PLEKHM3: variants seen among roughly 807,000 people sequenced by gnomAD.
PLEKHM3 encodes pleckstrin homology domain containing M3, also known as pleckstrin homology domain-containing family M member 3.
A neutral mutation model predicts 81.8 loss-of-function variants in PLEKHM3; 45 were observed. That is an observed-to-expected ratio of 0.55 (90% confidence interval 0.43 to 0.71). The LOEUF is 0.71. Among genes scored for constraint, PLEKHM3 ranks in the 30% least tolerant of loss-of-function variants. The probability of loss-of-function intolerance (pLI) is 0.00; values close to 1 mark genes in which losing one functional copy is unlikely to be tolerated. For missense variants in PLEKHM3, 788 were observed against 924.3 expected (o/e 0.85, Z 1.91); for synonymous variants, 352 against 356.4 (o/e 0.99, Z 0.14).
chr2:207,870,959 T>G (rs1407269721), intron 6 of PLEKHM3, among the ~76,000 whole-genome samples: 2 of 151,974 alleles, frequency 1.3e-5, no homozygotes, highest in Non-Finnish European at 2.9e-5. Context: ...AATTAAAAAA[T>G]TAGCCGATTG....
intron 5 of PLEKHM3, among the ~76,000 whole-genome samples, chr2:207,909,269 G>A (rs1192722408): frequency 6.6e-6 from 1 of 152,188 alleles, no homozygotes; most frequent in East Asian, 1.9e-4. Flanking sequence ...GACAATGAAT[G>A]AACAGACAAA....
chr2:208,019,579 G>C (rs1475360941), intron 1 of PLEKHM3: 1 of 152,074 alleles, frequency 6.6e-6, no homozygotes, highest in Non-Finnish European at 1.5e-5. Flanking sequence ...TGCATCTCAA[G>C]CTATTTTTTT....
At chr2:207,844,955 A>G (rs1296356660) in intron 7 of PLEKHM3, among the ~76,000 whole-genome samples, 3 of 152,222 alleles carry the variant, frequency 2.0e-5, no homozygotes, top group African/African-American at 7.2e-5. Context: ...CCCTAGCTCT[A>G]CAAAGGTTCG....
At chr2:207,898,331 G>C (rs1688309177) in intron 6 of PLEKHM3, among the ~76,000 whole-genome samples, 1 of 152,160 alleles carries the variant, frequency 6.6e-6, no homozygotes, top group Admixed American at 6.5e-5. Flanking sequence ...AGATATGGAA[G>C]CTCTCTCTGG....
chr2:207,911,552 T>C (rs941560020), intron 5 of PLEKHM3, among the ~76,000 whole-genome samples: 4 of 152,186 alleles, frequency 2.6e-5, no homozygotes, highest in South Asian at 4.1e-4. Context: ...CAAACTTATC[T>C]GCAGGAAAGG....
chr2:207,865,801 A>AAAAATATATATATATATAT lies in PLEKHM3; in HGVS notation c.1951-4540_1951-4539insATATATATATATATATTTT. Among the ~76,000 whole-genome samples the AAAAATATATATATATATAT allele has an allele frequency of 7.9e-5, 2 of 25,298 alleles. 1 individual carries two copies. Among genetic ancestry groups the AAAAATATATATATATATAT allele is most frequent in the East Asian group, 2.2e-3 (2 of 904 alleles). 16.6% of individuals were successfully genotyped at this position (25,298 alleles called of 152,430 possible). A position where few individuals can be genotyped will look rare whatever the true frequency, so the allele number is the denominator to read the frequency against. On this transcript the variant is annotated intron_variant, in intron 6 of 7. Transcript: ENST00000427836. ...CGACTCAAAAAAAAAAAAAAAAAAA[A>AAAAATATATATATATATAT]AGATATATATATATATATATATATA...
intron 7 of PLEKHM3, among the ~76,000 whole-genome samples, chr2:207,837,599 C>CAATAA (rs1448370287): frequency 1.4e-5 from 2 of 141,410 alleles, no homozygotes; most frequent in Non-Finnish European, 3.0e-5. Flanking sequence ...CACTTCATCT[C>CAATAA]AATAAAATAA....
intron 1 of PLEKHM3, among the ~76,000 whole-genome samples, chr2:208,014,388 T>A (rs758757656): frequency 2.0e-4 from 30 of 152,242 alleles, no homozygotes; most frequent in Non-Finnish European, 2.2e-4. Context: ...CTCATGCCTG[T>A]AATCCCAGCA....
chr2:207,984,883 T>G lies in PLEKHM3; in HGVS notation c.611-7297A>C, dbSNP rs560679878. Among the ~76,000 whole-genome samples the G allele has an allele frequency of 2.6e-5, 4 of 152,282 alleles. No individual in the cohort carries two copies. The East Asian group carries it at 7.7e-4, about 29-fold the overall frequency. Reference sequence around the variant, plus strand: ...CTGAGTGTATCTTCACAGAATTACTTCAATGTTCCTGTTTCCCATGTTTTC... The same window carrying G: ...CTGAGTGTATCTTCACAGAATTACTGCAATGTTCCTGTTTCCCATGTTTTC... On this transcript the variant is annotated intron_variant, in intron 2 of 7. Coordinates refer to ENST00000427836, the MANE Select transcript of PLEKHM3 (RefSeq NM_001080475.3).
At chr2:207,892,356 G>T (rs1458864931) in intron 6 of PLEKHM3, among the ~76,000 whole-genome samples, 1 of 152,136 alleles carries the variant, frequency 6.6e-6, no homozygotes, top group African/African-American at 2.4e-5. Flanking sequence ...CCATACCAAT[G>T]CATCATAATC....
intron 3 of PLEKHM3, among the ~76,000 whole-genome samples, chr2:207,973,921 T>G (rs557866753): frequency 5.3e-5 from 8 of 152,152 alleles, no homozygotes; most frequent in Admixed American, 3.9e-4. Flanking sequence ...CTATACAAAA[T>G]AAGACTGACT....
At chr2:207,873,132 AT>A (rs1238212853) in intron 6 of PLEKHM3, among the ~76,000 whole-genome samples, 14 of 152,280 alleles carry the variant, frequency 9.2e-5, no homozygotes, top group African/African-American at 3.4e-4. Context: ...AATAACAATG[AT>A]AGTGATATTT....
At chr2:207,960,862 G>C (rs1401526058) in intron 3 of PLEKHM3, among the ~76,000 whole-genome samples, 1 of 152,154 alleles carries the variant, frequency 6.6e-6, no homozygotes, top group African/African-American at 2.4e-5. Flanking sequence ...GCCATAAGAC[G>C]ACTTCTCTTT....
chr2:207,870,583 G>A (rs149140158), intron 6 of PLEKHM3, among the ~76,000 whole-genome samples: 1 of 152,328 alleles, frequency 6.6e-6, no homozygotes, highest in African/African-American at 2.4e-5. Context: ...CATTTGCCTG[G>A]CCAGACAACC....
intron 7 of PLEKHM3, among the ~76,000 whole-genome samples, chr2:207,846,741 T>C (rs1024871744): frequency 2.0e-5 from 3 of 151,882 alleles, no homozygotes; most frequent in African/African-American, 7.3e-5. Context: ...AAAAATTTTT[T>C]TTTTCTTTAA....
chr2:207,958,228 C>G (rs1280286622), intron 3 of PLEKHM3, among the ~76,000 whole-genome samples: 1 of 152,032 alleles, frequency 6.6e-6, no homozygotes, highest in Non-Finnish European at 1.5e-5. Context: ...AAATTAGTGT[C>G]ATGAAAAAGA....
At position 207,828,417 on chromosome 2, in the gene PLEKHM3, G is replaced by A. The variant is rs759571190; in HGVS notation, c.2188C>T (p.Leu730=). The A allele has an allele frequency of 6.2e-6, 10 of 1,614,000 alleles. No individual in the cohort carries two copies. The Admixed American group carries it at 1.7e-4, about 27-fold the overall frequency. ...CAGAAAGACTTCTGCTTCTTCTGCAGCTCTCGGCGAACACACCTCGGGCAG... is the reference window on the plus strand; with the variant it reads ...CAGAAAGACTTCTGCTTCTTCTGCAACTCTCGGCGAACACACCTCGGGCAG... The part of the protein sequence containing the change: ...VPCPRCVRRE[L]QKKQKSFWQR... Residue 730 remains leucine, a synonymous_variant, in exon 8 of 8, where the codon CTG becomes TTG. Coordinates refer to ENST00000427836, the MANE Select transcript of PLEKHM3 (RefSeq NM_001080475.3).
rs529379461 is a variant in PLEKHM3, at chr2:207,905,514, C to T, written c.1950+3000G>A. Among the ~76,000 whole-genome samples, 3 of 152,300 alleles carry T rather than the reference C, an allele frequency of 2.0e-5. No homozygotes were observed. In the South Asian group the frequency reaches 6.2e-4, roughly 32 times the overall value. On this transcript the variant is annotated intron_variant, in intron 6 of 7. Transcript: ENST00000427836. The stretch of plus-strand genomic sequence containing the variant: ...CCTTTCCATTACATATTTGCAAGAA[C>T]AATTCAGATCTAGAAAACATGCTTG...
intron 6 of PLEKHM3, among the ~76,000 whole-genome samples, chr2:207,879,448 C>T (rs907244091): frequency 6.6e-6 from 1 of 152,204 alleles, no homozygotes; most frequent in Non-Finnish European, 1.5e-5. Flanking sequence ...CTATTCTAGG[C>T]CTTTCCAAGT....
Sources: gnomAD v4.1 joint callset for allele counts (sites outside exome capture counted in the v4.1 genomes callset) on GRCh38, gnomAD v4.1.1 for gene constraint, MANE v1.5 for transcripts, NCBI Gene and HGNC (gene_info 2026-07-23, HGNC 2026-07-21) for gene names.